ECE2: variants seen among roughly 807,000 people sequenced by gnomAD.
The protein encoded by ECE2 is endothelin converting enzyme 2.
In ECE2, 81 loss-of-function variants were observed where a neutral mutation model predicts 100.6. The observed-to-expected ratio is 0.81, with a 90% CI of 0.67 to 0.97. The LOEUF is 0.97. Ranked by LOEUF, ECE2 falls within the 50% of genes least tolerant of loss-of-function variation. The probability of loss-of-function intolerance (pLI) is 0.00; values close to 1 mark genes in which losing one functional copy is unlikely to be tolerated. For missense variants in ECE2, 911 were observed against 988.1 expected (o/e 0.92, Z 1.05); for synonymous variants, 391 against 391.5 (o/e 1.00, Z 0.02).
At position 184,276,585 on chromosome 3, in the gene ECE2, C is replaced by T. The variant is rs762272689; in HGVS notation, c.126+18C>T. On this transcript the variant is annotated intron_variant, in intron 2 of 18. Coordinates refer to ENST00000404464, the MANE Select transcript of ECE2 (RefSeq NM_001100121.2). ...CCATGGAGGTGGGCAAGGGGGCTTC[C>T]CCTTTCTCACCAGGCCCCAGCCCTG... is the stretch of plus-strand genomic sequence containing the variant. The T allele has an allele frequency of 8.7e-6, 14 of 1,601,318 alleles. No homozygotes were observed. The South Asian group carries it at 1.6e-4, about 18-fold the overall frequency.
At position 184,276,151 on chromosome 3, in the gene ECE2, A is replaced by C; in HGVS notation, c.-3A>C. Reference sequence around the variant, plus strand: ...CTGAATCACCGCCTGGCCCGACTCCACCATGAACGTCGCGCTGCAGGAGCT... The same window carrying C: ...CTGAATCACCGCCTGGCCCGACTCCCCCATGAACGTCGCGCTGCAGGAGCT... On this transcript the variant is annotated 5_prime_UTR_variant, in exon 1 of 19. Coordinates refer to ENST00000404464, the MANE Select transcript of ECE2 (RefSeq NM_001100121.2). The C allele has an allele frequency of 7.0e-7, 1 of 1,425,898 alleles. No homozygotes were observed. The highest frequency in any genetic ancestry group is 9.1e-7 in the Non-Finnish European group (1 of 1,095,816). The allele number at this position is 1,425,898 out of a possible 1,614,324, so 88.3% of individuals were successfully genotyped here.
chr3:184,276,520 G>C lies in ECE2; in HGVS notation c.79G>C (p.Ala27Pro), dbSNP rs1720557472. The C allele has an allele frequency of 3.1e-6, 5 of 1,611,406 alleles. No homozygotes were observed. The highest frequency in any genetic ancestry group is 1.3e-5 in the African/African-American group (1 of 75,002). ...ACGGGCCACGCTTCGGGATGAAGAC[G>C]CACCCGAGACCCCCGTAGAGGGCGG... ...YKRATLRDEDAPETPVEGGAS... is the reference protein window; with the variant it reads ...YKRATLRDEDPPETPVEGGAS... Residue 27 changes from alanine (A) to proline (P), a missense_variant, in exon 2 of 19, where the codon GCA becomes CCA. By Grantham distance (27) the Ala-to-Pro change is conservative. Coordinates refer to ENST00000404464, the MANE Select transcript of ECE2 (RefSeq NM_001100121.2).
Position 184,291,115 on chromosome 3 carries a change from C to T in ECE2, c.1910C>T (p.Thr637Met), listed in dbSNP as rs143061567. The T allele has an allele frequency of 3.5e-5, 57 of 1,609,468 alleles. 1 individual carries two copies. In the African/African-American group the frequency reaches 3.9e-4, roughly 11 times the overall value. The change falls in exon 17 of 19, where the codon ACG (threonine) becomes ATG (methionine). Residue 637 changes from threonine to methionine, a missense_variant. Physicochemically the swap from Thr to Met is moderately conservative, Grantham distance 81. Transcript: ENST00000404464. This position sits in a 1 kb window ranked among gnomAD's most constrained non-coding sequence, Gnocchi z 4.1. ...TCCCTGGCAGCCTTCCGGAACCACA[C>T]GGCCTGCATGGAGGAACAGTACAAT... is the stretch of plus-strand genomic sequence containing the variant. ...NESLAAFRNH[T>M]ACMEEQYNQY...
Position 184,278,320 on chromosome 3 carries a change from A to AGCTGGGAAAGGGTGGGGAGAGAC in ECE2, c.750+8_750+30dup. On this transcript the variant is annotated splice_region_variant and intron_variant, in intron 6 of 18. Coordinates refer to ENST00000404464, the MANE Select transcript of ECE2 (RefSeq NM_001100121.2). ...CAACAGCAATGTTATCCAGGTGATG[A>AGCTGGGAAAGGGTGGGGAGAGAC]GCTGGGAAAGGGTGGGGAGAGACTT... is the stretch of plus-strand genomic sequence containing the variant. The AGCTGGGAAAGGGTGGGGAGAGAC allele has an allele frequency of 6.2e-7, 1 of 1,613,598 alleles. No homozygotes were observed. The highest frequency in any genetic ancestry group is 8.5e-7 in the Non-Finnish European group (1 of 1,179,762).
Position 184,289,751 on chromosome 3 carries a change from A to T in ECE2, c.1551+33A>T. ...CCTACGCTCATCAGTACTGAACTTC[A>T]GCCCTGTAGAGGGCACTGTTCCCTG... is the stretch of plus-strand genomic sequence containing the variant. On this transcript the variant is annotated intron_variant, in intron 13 of 18. Coordinates refer to ENST00000404464, the MANE Select transcript of ECE2 (RefSeq NM_001100121.2). This position sits in a 1 kb window ranked among gnomAD's most constrained non-coding sequence, Gnocchi z 4.1. 1 of 1,560,510 alleles carries T rather than the reference A, an allele frequency of 6.4e-7. No homozygotes were observed. Among genetic ancestry groups the T allele is most frequent in the South Asian group, 1.2e-5 (1 of 84,694 alleles).
chr3:184,286,796 TAAAAAAA>T (rs11449762), intron 10 of ECE2, among the ~76,000 whole-genome samples: 8 of 121,930 alleles, frequency 6.6e-5, no homozygotes, highest in African/African-American at 2.2e-4. Flanking sequence ...AAACTCTGTT[TAAAAAAA>T]AAAAAAAAAA....
chr3:184,290,698 G>A, intron 15 of ECE2, 31 bp downstream of exon 15: 6 of 1,613,248 alleles, frequency 3.7e-6, no homozygotes, highest in Non-Finnish European at 8.5e-7. Context: ...GCTGGGTGCT[G>A]GGGCCTGGGC....
In ECE2 at chr3:184,276,542, G is replaced by T; in HGVS notation, c.101G>T (p.Gly34Val). 10 of 1,611,516 alleles carry T rather than the reference G, an allele frequency of 6.2e-6. No individual in the cohort carries two copies. The highest frequency in any genetic ancestry group is 8.5e-6 in the Non-Finnish European group (10 of 1,179,634). Residue 34 changes from glycine to valine, a missense_variant, in exon 2 of 19, where the codon GGC becomes GTC. Gly to Val is a moderately radical substitution (Grantham distance 109). Coordinates refer to ENST00000404464, the MANE Select transcript of ECE2 (RefSeq NM_001100121.2). ...GACGCACCCGAGACCCCCGTAGAGGGCGGGGCCTCCCCGGACGCCATGGAG... is the reference window on the plus strand; with the variant it reads ...GACGCACCCGAGACCCCCGTAGAGGTCGGGGCCTCCCCGGACGCCATGGAG... The part of the protein sequence containing the change: ...DEDAPETPVE[G>V]GASPDAMEVG...
At chr3:184,285,370 A>T in intron 9 of ECE2, 108 bp from the exon 10 acceptor site, 1 of 971,572 alleles carries the variant, frequency 1.0e-6, no homozygotes, top group Non-Finnish European at 1.6e-6. Flanking sequence ...GACAGCTTCC[A>T]CATATGCCTC....
rs148582041 is a variant in ECE2, at chr3:184,278,291, G to C, written c.728G>C (p.Ser243Thr). ...FTVYISADSKSSNSNVIQVDQ... is the reference protein window; with the variant it reads ...FTVYISADSKTSNSNVIQVDQ... ...GTCTACATCAGTGCCGACTCTAAGA[G>C]TTCCAACAGCAATGTTATCCAGGTG... Residue 243 changes from serine to threonine, a missense_variant, in exon 6 of 19, where the codon AGT becomes ACT. Physicochemically the swap from Ser to Thr is moderately conservative, Grantham distance 58. Transcript: ENST00000404464. The C allele has an allele frequency of 6.2e-6, 10 of 1,613,984 alleles. No homozygotes were observed. Among genetic ancestry groups the C allele is most frequent in the Non-Finnish European group, 8.5e-6 (10 of 1,180,006 alleles).
intron 7 of ECE2, 40 bp downstream of exon 7, chr3:184,278,597 T>C: frequency 6.2e-7 from 1 of 1,606,636 alleles, no homozygotes; most frequent in Non-Finnish European, 8.5e-7. Flanking sequence ...TACCCCTGGC[T>C]GAGCTGGGCT....
rs373964442 is a variant in ECE2 at position 184,276,107 on chromosome 3, G to C, written c.-47G>C. 1 of 1,274,354 alleles carries C rather than the reference G, an allele frequency of 7.8e-7. No homozygotes were observed. Among genetic ancestry groups the C allele is most frequent in the Non-Finnish European group, 9.9e-7 (1 of 1,012,462 alleles). The allele number at this position is 1,274,354 out of a possible 1,614,324, so 78.9% of individuals were successfully genotyped here. ...GGGACCGGGGCCGCGGCCCGGGAGC[G>C]GGCCAGCTGCCGGGAGCCCTGAATC... On this transcript the variant is annotated 5_prime_UTR_variant, in exon 1 of 19. Coordinates refer to ENST00000404464, the MANE Select transcript of ECE2 (RefSeq NM_001100121.2).
In ECE2 at chr3:184,277,248, C is replaced by G; in HGVS notation, c.263-3C>G. 6.2e-7 allele frequency: 1 copy of G among 1,614,246 alleles called. No homozygotes were observed. The highest frequency in any genetic ancestry group is 8.5e-7 in the Non-Finnish European group (1 of 1,180,040). Reference sequence around the variant, plus strand: ...TACCCTCCGGCCATGTTCCCTACCACAGACCCATCCCACAGCACCTGCCTT... The same window carrying G: ...TACCCTCCGGCCATGTTCCCTACCAGAGACCCATCCCACAGCACCTGCCTT... On this transcript the variant is annotated splice_polypyrimidine_tract_variant and splice_region_variant and intron_variant, in intron 3 of 18. Coordinates refer to ENST00000404464, the MANE Select transcript of ECE2 (RefSeq NM_001100121.2).
chr3:184,292,846 G>A lies in ECE2; in HGVS notation c.*608G>A, dbSNP rs533625874. ...GAGAGGGGAAGTGCATATGTGTAGC[G>A]GGTACTGGTTCCTGTGTCTTAGGGC... is the stretch of plus-strand genomic sequence containing the variant. On this transcript the variant is annotated 3_prime_UTR_variant, in exon 19 of 19. Transcript: ENST00000404464. 5.3e-4 allele frequency: 82 copies of A among 153,648 alleles called. No homozygotes were observed. The highest frequency in any genetic ancestry group is 1.8e-3 in the African/African-American group (73 of 41,590). 9.5% of individuals were successfully genotyped at this position (153,648 alleles called of 1,614,324 possible).
At chr3:184,286,200 G>A (rs1416344916) in intron 10 of ECE2, among the ~76,000 whole-genome samples, 1 of 152,014 alleles carries the variant, frequency 6.6e-6, no homozygotes, top group Non-Finnish European at 1.5e-5. Flanking sequence ...GACAAGGAAC[G>A]GCATGTGCAA....
intron 1 of ECE2, 51 bp downstream of exon 1, chr3:184,276,243 AG>A (rs923222139): frequency 4.9e-6 from 7 of 1,440,198 alleles, no homozygotes; most frequent in Non-Finnish European, 6.4e-6. Context: ...GAGGGGGACG[AG>A]GCAGAGGGGT....
chr3:184,291,777 G>A lies in ECE2; in HGVS notation c.2122-285G>A, dbSNP rs76189091. 3,910 of 514,258 alleles carry A rather than the reference G, an allele frequency of 7.6e-3. 120 individuals are homozygous for A. Among genetic ancestry groups the A allele is most frequent in the African/African-American group, 0.064 (3,384 of 52,534 alleles). 31.9% of individuals were successfully genotyped at this position (514,258 alleles called of 1,614,324 possible). A position where few individuals can be genotyped will look rare whatever the true frequency, so the allele number is the denominator to read the frequency against. ...GGAGACATGCAGGAAACGAAAGCTC[G>A]GGACGCAGAGTGGCCTGTCCAGGGC... On this transcript the variant is annotated intron_variant, in intron 18 of 18. Coordinates refer to ENST00000404464, the MANE Select transcript of ECE2 (RefSeq NM_001100121.2). This position sits in a 1 kb window ranked among gnomAD's most constrained non-coding sequence, Gnocchi z 4.1.
At chr3:184,283,711 G>T in intron 7 of ECE2, 74 bp from the exon 8 acceptor site, 1 of 1,475,532 alleles carries the variant, frequency 6.8e-7, no homozygotes, top group Non-Finnish European at 9.2e-7. Flanking sequence ...TTGGGCAGAG[G>T]TGGTGGTAAG....
chr3:184,277,569 G>T, intron 4 of ECE2, 103 bp downstream of exon 4: 1 of 1,298,994 alleles, frequency 7.7e-7, no homozygotes, highest in Non-Finnish European at 1.1e-6. Flanking sequence ...TGAGGAAGTG[G>T]ATGGTTCTGT....
Sources: allele counts gnomAD v4.1 joint callset (sites outside exome capture counted in the v4.1 genomes callset), GRCh38; gene constraint gnomAD v4.1.1; non-coding constraint Gnocchi (gnomAD v3.1); transcripts MANE v1.5; gene names NCBI Gene and HGNC (gene_info 2026-07-23, HGNC 2026-07-21).